ROBO1: variants seen among roughly 807,000 people sequenced by gnomAD.
The protein encoded by ROBO1 is roundabout homolog 1.
In ROBO1, 149 loss-of-function variants were observed where a neutral mutation model predicts 195.9. The ratio of observed to expected loss-of-function variants is 0.76; its 90% CI spans 0.67 to 0.87. The LOEUF (loss-of-function observed/expected upper bound fraction) is 0.87, where lower values mean the gene tolerates loss of function less well. Ranked by LOEUF, ROBO1 falls within the 40% of genes least tolerant of loss-of-function variation. The pLI, the probability that ROBO1 is intolerant of heterozygous loss-of-function variation, is 0.00. For synonymous variants in ROBO1, 816 were observed against 733.2 expected, an observed-to-expected ratio of 1.11 and a Z score of -1.82; for missense variants, 1,933 against 2,068.3, an observed-to-expected ratio of 0.93 and a Z score of 1.27.
intron 2 of ROBO1, among the ~76,000 whole-genome samples, chr3:79,323,684 C>A (rs561311618): frequency 1.3e-5 from 2 of 152,194 alleles, no homozygotes; most frequent in East Asian, 3.9e-4. Context: ...TATAAACCGA[C>A]CGTATCTTTC....
intron 2 of ROBO1, among the ~76,000 whole-genome samples, chr3:79,191,383 A>C (rs2081536685): frequency 6.6e-6 from 1 of 151,450 alleles, no homozygotes; most frequent in African/African-American, 2.4e-5. Context: ...ATCAGACAAT[A>C]CATACAAGTG....
chr3:79,311,657 C>T (rs1559809150), intron 2 of ROBO1, among the ~76,000 whole-genome samples: 1 of 151,874 alleles, frequency 6.6e-6, no homozygotes, highest in African/African-American at 2.4e-5. Flanking sequence ...CATTTGTATG[C>T]TTTTTTTTCT....
intron 3 of ROBO1, among the ~76,000 whole-genome samples, chr3:79,097,828 T>C (rs2079598035): frequency 6.6e-6 from 1 of 151,722 alleles, no homozygotes; most frequent in African/African-American, 2.4e-5. Flanking sequence ...ACCACCACTT[T>C]TAGAAGAGAT....
intron 2 of ROBO1, among the ~76,000 whole-genome samples, chr3:79,394,364 A>T (rs2037060422): frequency 6.6e-6 from 1 of 152,094 alleles, no homozygotes; most frequent in African/African-American, 2.4e-5. Context: ...TCTTCAAAAT[A>T]CCTACTTGTT....
At position 78,993,277 on chromosome 3, in the gene ROBO1, A is replaced by G. The variant is rs547374397; in HGVS notation, c.173-54350T>C. ...AGGGTGCATGCACAAGCACAAGCAC[A>G]CGCATACATACATGCATACTTTCAA... On this transcript the variant is annotated intron_variant, in intron 3 of 30. Transcript: ENST00000464233. Among the ~76,000 whole-genome samples the G allele has an allele frequency of 4.6e-5, 7 of 152,340 alleles. No individual in the cohort carries two copies. In the East Asian group the frequency reaches 1.3e-3, roughly 29 times the overall value.
chr3:78,629,674 AC>A (rs973351756), intron 25 of ROBO1, among the ~76,000 whole-genome samples: 2 of 151,562 alleles, frequency 1.3e-5, no homozygotes, highest in Non-Finnish European at 2.9e-5. Flanking sequence ...ACCAAACCAA[AC>A]CAAACCAAAC....
intron 2 of ROBO1, among the ~76,000 whole-genome samples, chr3:79,439,941 G>A (rs943790976): frequency 9.2e-5 from 14 of 151,984 alleles, no homozygotes; most frequent in African/African-American, 2.9e-4. Flanking sequence ...TTTTAATGGA[G>A]GAAAGATCTG....
intron 9 of ROBO1, among the ~76,000 whole-genome samples, chr3:78,686,710 T>C: frequency 6.6e-6 from 1 of 152,174 alleles, no homozygotes; most frequent in Non-Finnish European, 1.5e-5. Context: ...AAACAAATTT[T>C]GACACATTAA....
At chr3:78,826,962 T>C (rs1286863789) in intron 4 of ROBO1, among the ~76,000 whole-genome samples, 1 of 152,196 alleles carries the variant, frequency 6.6e-6, no homozygotes, top group African/African-American at 2.4e-5. Flanking sequence ...TTTTAACATA[T>C]GATTTTGCAT....
At chr3:79,356,186 CA>C (rs1205018622) in intron 2 of ROBO1, among the ~76,000 whole-genome samples, 1 of 151,986 alleles carries the variant, frequency 6.6e-6, no homozygotes, top group Non-Finnish European at 1.5e-5. Flanking sequence ...AATAAAAATA[CA>C]AAAATTAGCC....
At chr3:79,256,034 T>C (rs2082827116) in intron 2 of ROBO1, among the ~76,000 whole-genome samples, 2 of 152,190 alleles carry the variant, frequency 1.3e-5, no homozygotes, top group African/African-American at 4.8e-5. Context: ...GTAATCTCCA[T>C]TGAATACAAA....
intron 4 of ROBO1, among the ~76,000 whole-genome samples, chr3:78,907,253 A>C (rs2037977765): frequency 6.6e-6 from 1 of 152,060 alleles, no homozygotes; most frequent in Admixed American, 6.6e-5. Flanking sequence ...GGCCCCTGAA[A>C]AGATCTCTTA....
chr3:79,735,561 C>G (rs1250998866), intron 1 of ROBO1, among the ~76,000 whole-genome samples: 1 of 152,094 alleles, frequency 6.6e-6, no homozygotes, highest in African/African-American at 2.4e-5. Flanking sequence ...TCAATTAAAT[C>G]AAAATTTTTG....
intron 2 of ROBO1, among the ~76,000 whole-genome samples, chr3:79,172,561 G>C (rs1233533796): frequency 6.6e-6 from 1 of 151,974 alleles, no homozygotes. Context: ...TGTTAATTTG[G>C]AACAATCCTA....
intron 2 of ROBO1, among the ~76,000 whole-genome samples, chr3:79,410,943 C>G (rs2037740885): frequency 6.6e-6 from 1 of 152,060 alleles, no homozygotes; most frequent in Admixed American, 6.6e-5. Context: ...AGCTTCAAGC[C>G]TACTTTGAAT....
intron 8 of ROBO1, among the ~76,000 whole-genome samples, chr3:78,711,375 C>T (rs1453813197): frequency 3.6e-5 from 1 of 27,620 alleles, no homozygotes; most frequent in African/African-American, 1.5e-4. Context: ...TCCTTCCTTC[C>T]TTCCTTCCTT....
intron 2 of ROBO1, among the ~76,000 whole-genome samples, chr3:79,134,358 G>C (rs1489427266): frequency 8.9e-6 from 1 of 112,928 alleles, no homozygotes. Flanking sequence ...ACACCAGTTA[G>C]AATGGCAATC....
intron 2 of ROBO1, among the ~76,000 whole-genome samples, chr3:79,221,506 G>A (rs966783279): frequency 2.0e-5 from 3 of 151,976 alleles, no homozygotes; most frequent in Admixed American, 6.6e-5. Context: ...TTAGATTAGC[G>A]ACTTGTTTTT....
At chr3:79,110,076 C>G (rs2079858030) in intron 3 of ROBO1, among the ~76,000 whole-genome samples, 1 of 151,986 alleles carries the variant, frequency 6.6e-6, no homozygotes, top group South Asian at 2.1e-4. Context: ...AGGAAAATTG[C>G]TTTAATCTCT....
Sources: allele counts gnomAD v4.1 joint callset (sites outside exome capture counted in the v4.1 genomes callset), GRCh38; gene constraint gnomAD v4.1.1; transcripts MANE v1.5; gene names NCBI Gene and HGNC (gene_info 2026-07-23, HGNC 2026-07-21).